UBR2: variants seen among roughly 807,000 people sequenced by gnomAD.
The protein encoded by UBR2 is ubiquitin protein ligase E3 component n-recognin 2.
Under a neutral mutation model 247.9 loss-of-function variants are expected in UBR2, and 92 were observed. The ratio of observed to expected loss-of-function variants is 0.37; its 90% CI spans 0.31 to 0.44. The LOEUF (loss-of-function observed/expected upper bound fraction) is 0.44. UBR2 is among the 20% of genes least tolerant of loss of function. The probability of loss-of-function intolerance (pLI) is 1.00; values close to 1 mark genes in which losing one functional copy is unlikely to be tolerated. For missense variants in UBR2, 1,613 were observed against 2,112.6 expected (o/e 0.76, Z 4.64); for synonymous variants, 672 against 693.5 (o/e 0.97, Z 0.49).
intron 35 of UBR2, 54 bp from the exon 36 acceptor site, chr6:42,670,606 T>C: frequency 2.4e-6 from 3 of 1,276,258 alleles, no homozygotes; most frequent in South Asian, 2.8e-5. Flanking sequence ...AAGAAAATTA[T>C]ATTAAAATAT....
chr6:42,609,175 G>A (rs995268631), intron 7 of UBR2, among the ~76,000 whole-genome samples: 47 of 152,300 alleles, frequency 3.1e-4, no homozygotes, highest in African/African-American at 1.1e-3. Flanking sequence ...AGGGAAAACA[G>A]TCTAGTAACG....
chr6:42,626,651 A>T (rs984518390), intron 11 of UBR2, among the ~76,000 whole-genome samples: 2 of 152,194 alleles, frequency 1.3e-5, no homozygotes, highest in Non-Finnish European at 2.9e-5. Flanking sequence ...CTTCTGCTTC[A>T]TCCCCACCCC....
Position 42,642,464 on chromosome 6 carries a change from G to A in UBR2, c.2080G>A (p.Asp694Asn). 6.2e-7 allele frequency: 1 copy of A among 1,611,352 alleles called. No homozygotes were observed. The highest frequency in any genetic ancestry group is 8.5e-7 in the Non-Finnish European group (1 of 1,178,022). Residue 694 changes from aspartate (D) to asparagine (N), a missense_variant, in exon 18 of 47, where the codon GAT becomes AAT. Transcript: ENST00000372901. ...ATGCAGACGTGAGATGTTTGACAAG[G>A]ATGTAGTAATGCTTCAGGTAATGAA... ...VKCRREMFDK[D>N]VVMLQTGVSM...
At chr6:42,620,707 A>G (rs1383518221) in intron 11 of UBR2, among the ~76,000 whole-genome samples, 2 of 151,804 alleles carry the variant, frequency 1.3e-5, no homozygotes, top group Non-Finnish European at 2.9e-5. Context: ...CGCCTGCCTC[A>G]GCCTCTCAAA....
chr6:42,614,539 G>A (rs747509109), intron 8 of UBR2, among the ~76,000 whole-genome samples: 1 of 151,766 alleles, frequency 6.6e-6, no homozygotes, highest in South Asian at 2.1e-4. Context: ...CATTTAAAAG[G>A]TTGTAGTAAT....
In UBR2 at chr6:42,644,326, T is replaced by C; in HGVS notation, c.2210T>C (p.Ile737Thr). ...TATGGAAAAAGATTTAGTTCTGAGA[T>C]TACCCATAAGGTAAGAACGTGTTTT... ...PDYGKRFSSEITHKDVVQQNN... is the reference protein window; with the variant it reads ...PDYGKRFSSETTHKDVVQQNN... The change falls in exon 19 of 47, where the codon ATT (isoleucine) becomes ACT (threonine). Residue 737 changes from isoleucine (I) to threonine (T), a missense_variant. Coordinates refer to ENST00000372901, the MANE Select transcript of UBR2 (RefSeq NM_001363705.2). 3 of 1,612,278 alleles carry C rather than the reference T, an allele frequency of 1.9e-6. No individual in the cohort carries two copies. In the South Asian group the frequency reaches 3.3e-5, roughly 18 times the overall value.
chr6:42,642,578 A>G lies in UBR2; in HGVS notation c.2097+97A>G, dbSNP rs150009656. The G allele has an allele frequency of 4.0e-4, 399 of 995,468 alleles. 2 individuals carry two copies. The African/African-American group carries it at 5.0e-3, about 13-fold the overall frequency. 61.7% of individuals were successfully genotyped at this position (995,468 alleles called of 1,614,324 possible). The stretch of plus-strand genomic sequence containing the variant: ...GTCACTTGTGATCACTCCCAAATCT[A>G]CAACTCCAGCCTAGCCCTGTCTCCT... On this transcript the variant is annotated intron_variant, in intron 18 of 46. Transcript: ENST00000372901.
intron 4 of UBR2, among the ~76,000 whole-genome samples, chr6:42,598,724 T>C (rs1793164211): frequency 6.6e-6 from 1 of 152,180 alleles, no homozygotes; most frequent in African/African-American, 2.4e-5. Context: ...TCTCCTGGTG[T>C]GAATCTCATA....
intron 2 of UBR2, among the ~76,000 whole-genome samples, chr6:42,576,357 A>T (rs1264273595): frequency 6.6e-6 from 1 of 152,068 alleles, no homozygotes; most frequent in Non-Finnish European, 1.5e-5. Flanking sequence ...TCCTTCTCTG[A>T]CAAGAGAAAA....
In UBR2 at chr6:42,580,479, CTG is replaced by C. The variant is rs142736623; in HGVS notation, c.338+6489_338+6490del. On this transcript the variant is annotated intron_variant, in intron 2 of 46. Coordinates refer to ENST00000372901, the MANE Select transcript of UBR2 (RefSeq NM_001363705.2). Reference sequence around the variant, plus strand: ...ACTAAAATTTTATCTCTTGGCCCCTCTGTGAGTTTTGAGTGTTTTTTCTTAAG... The same window carrying C: ...ACTAAAATTTTATCTCTTGGCCCCTCTGAGTTTTGAGTGTTTTTTCTTAAG... Among the ~76,000 whole-genome samples, 36 of 152,228 alleles carry C rather than the reference CTG, an allele frequency of 2.4e-4. No homozygotes were observed. The East Asian group carries it at 4.2e-3, about 18-fold the overall frequency.
chr6:42,595,795 G>A (rs1459787747), intron 4 of UBR2, among the ~76,000 whole-genome samples: 1 of 151,096 alleles, frequency 6.6e-6, no homozygotes, highest in Non-Finnish European at 1.5e-5. Flanking sequence ...AATGACCAAA[G>A]CTTTTGATGT....
In UBR2 at chr6:42,567,644, G is replaced by C. The variant is rs1582405788; in HGVS notation, c.78+3247G>C. 3.3e-5 allele frequency among the ~76,000 whole-genome samples: 5 copies of C among 152,290 alleles called. No individual in the cohort carries two copies. The East Asian group carries it at 9.7e-4, about 29-fold the overall frequency. Reference sequence around the variant, plus strand: ...TTCGGGAGGCTGAGGCAGGAGAGTTGCTTGAACCCAGGAGGCTGGGGTTGC... The same window carrying C: ...TTCGGGAGGCTGAGGCAGGAGAGTTCCTTGAACCCAGGAGGCTGGGGTTGC... On this transcript the variant is annotated intron_variant, in intron 1 of 46. Coordinates refer to ENST00000372901, the MANE Select transcript of UBR2 (RefSeq NM_001363705.2).
chr6:42,640,439 GATAC>G (rs1796369887), intron 16 of UBR2, among the ~76,000 whole-genome samples, 169 bp downstream of exon 16: 2 of 138,644 alleles, frequency 1.4e-5, no homozygotes, highest in Non-Finnish European at 3.2e-5. Context: ...TGTGTGTATA[GATAC>G]ATATATAGAG....
chr6:42,687,077 C>T (rs1242115237), intron 44 of UBR2, among the ~76,000 whole-genome samples: 3 of 152,030 alleles, frequency 2.0e-5, no homozygotes, highest in African/African-American at 7.2e-5. Flanking sequence ...ACTTCCTAGA[C>T]GGGGTGGCGG....
chr6:42,661,929 T>C (rs1295089187), intron 30 of UBR2, among the ~76,000 whole-genome samples: 1 of 152,276 alleles, frequency 6.6e-6, no homozygotes, highest in Non-Finnish European at 1.5e-5. Flanking sequence ...TGGATATATT[T>C]AAATTCATAG....
In UBR2 at chr6:42,573,957, G is replaced by A. The variant is rs768797917; in HGVS notation, c.302G>A (p.Arg101His). The change falls in exon 2 of 47, where the codon CGT (arginine) becomes CAT (histidine). Residue 101 changes from arginine to histidine, a missense_variant. Arg to His is a conservative substitution (Grantham distance 29). Coordinates refer to ENST00000372901, the MANE Select transcript of UBR2 (RefSeq NM_001363705.2). ...AACAAACCTTCTCATCTTTGTGGTC[G>A]TGTTTTTAAAGTAGGAGAGCCTACA... ...QANKPSHLCGRVFKVGEPTYS... is the reference protein window; with the variant it reads ...QANKPSHLCGHVFKVGEPTYS... 1.3e-5 allele frequency: 21 copies of A among 1,611,198 alleles called. No individual in the cohort carries two copies. The highest frequency in any genetic ancestry group is 8.8e-5 in the South Asian group (8 of 90,522).
At chr6:42,647,367 G>T (rs1050867507) in intron 21 of UBR2, among the ~76,000 whole-genome samples, 1 of 145,254 alleles carries the variant, frequency 6.9e-6, no homozygotes, top group African/African-American at 2.5e-5. Context: ...GGATCAGGAA[G>T]TCAGGAGTTT....
intron 16 of UBR2, among the ~76,000 whole-genome samples, chr6:42,641,201 C>T (rs973201381): frequency 6.6e-6 from 1 of 152,178 alleles, no homozygotes; most frequent in Non-Finnish European, 1.5e-5. Flanking sequence ...CAGTGGCCCA[C>T]ACCTGTAATC....
chr6:42,594,167 GA>G lies in UBR2; in HGVS notation c.418-23del, dbSNP rs768613701. On this transcript the variant is annotated intron_variant, in intron 3 of 46. Transcript: ENST00000372901. ...GCCCTCAGTAAATATTTATTGACAA[GA>G]TACTTTACAATTTTTTTCCAAGATG... The G allele has an allele frequency of 3.9e-6, 6 of 1,557,326 alleles. No individual in the cohort carries two copies. In the African/African-American group the frequency reaches 8.2e-5, roughly 21 times the overall value.
Sources: gnomAD v4.1 joint callset for allele counts (sites outside exome capture counted in the v4.1 genomes callset) on GRCh38, gnomAD v4.1.1 for gene constraint, MANE v1.5 for transcripts, NCBI Gene and HGNC (gene_info 2026-07-23, HGNC 2026-07-21) for gene names.